URGCP: variants seen among roughly 807,000 people sequenced by gnomAD.
URGCP encodes the protein upregulator of cell proliferation, also known as up-regulator of cell proliferation.
In URGCP, 13 loss-of-function variants were observed where a neutral mutation model predicts 24.6. The ratio of observed to expected loss-of-function variants is 0.53; its 90% CI spans 0.34 to 0.84. The LOEUF (loss-of-function observed/expected upper bound fraction) is 0.84, where lower values mean the gene tolerates loss of function less well. Among genes scored for constraint, URGCP ranks in the 40% least tolerant of loss-of-function variants. The pLI is 0.01. For missense variants in URGCP, 899 were observed against 1,194.3 expected, an observed-to-expected ratio of 0.75 and a Z score of 3.64; for synonymous variants, 444 against 487.2, an observed-to-expected ratio of 0.91 and a Z score of 1.17.
At chr7:43,919,013 C>A in intron 1 of URGCP, 1 of 1,167,382 alleles carries the variant, frequency 8.6e-7, no homozygotes, top group Non-Finnish European at 1.3e-6. Context: ...ACTGGGCCAG[C>A]AGATTCTCCC....
rs569890330 is a variant in URGCP, at chr7:43,882,133, A to T, written c.113-176T>A. 1.6e-3 allele frequency: 1,687 copies of T among 1,086,830 alleles called. 5 individuals carry two copies. The highest frequency in any genetic ancestry group is 2.9e-3 in the Admixed American group (89 of 30,238). The allele number at this position is 1,086,830 out of a possible 1,614,324, so 67.3% of individuals were successfully genotyped here. On this transcript the variant is annotated intron_variant, in intron 3 of 5. Coordinates refer to ENST00000453200, the MANE Select transcript of URGCP (RefSeq NM_001077663.3). ...GGCAACAAAGCAAGACCCTGTGTCT[A>T]CAAAGACTTTTTTTAAAAAATTAGG...
intron 5 of URGCP, chr7:43,881,222 C>T: frequency 1.4e-6 from 1 of 702,816 alleles, no homozygotes; most frequent in Non-Finnish European, 2.6e-6. Flanking sequence ...ACACTTCTGC[C>T]CAGTGTGTGG....
At chr7:43,883,680 G>A (rs1378789372) in intron 3 of URGCP, among the ~76,000 whole-genome samples, 2 of 152,008 alleles carry the variant, frequency 1.3e-5, no homozygotes, top group Non-Finnish European at 2.9e-5. Context: ...ATATTTTTAA[G>A]AGCTTATGAA....
intron 1 of URGCP, among the ~76,000 whole-genome samples, chr7:43,891,882 A>G (rs1464823487): frequency 6.6e-6 from 1 of 151,918 alleles, no homozygotes; most frequent in South Asian, 2.1e-4. Context: ...CCCAGGTTCA[A>G]GCAATTCTCC....
chr7:43,906,361 C>A (rs2095902674), intron 1 of URGCP: 3 of 322,324 alleles, frequency 9.3e-6, no homozygotes, highest in South Asian at 1.3e-4. Flanking sequence ...CGCCCCCGCC[C>A]GCCCCCCACG....
At chr7:43,926,612 C>T, upstream of URGCP, 4 of 1,511,598 alleles carry the variant, frequency 2.6e-6, no homozygotes, top group Non-Finnish European at 2.7e-6. Context: ...GAGGTGTGGG[C>T]GGGGCGCCGC....
chr7:43,906,565 G>C lies in URGCP; in HGVS notation c.11C>G (p.Pro4Arg). 22 of 1,242,996 alleles carry C rather than the reference G, an allele frequency of 1.8e-5. No homozygotes were observed. Among genetic ancestry groups the C allele is most frequent in the Non-Finnish European group, 2.2e-5 (22 of 985,688 alleles). The allele number at this position is 1,242,996 out of a possible 1,614,324, so 77.0% of individuals were successfully genotyped here. A position where few individuals can be genotyped will look rare whatever the true frequency, so the allele number is the denominator to read the frequency against. The change falls in exon 1 of 6, where the codon CCC becomes CGC. Residue 4 changes from proline to arginine, a missense_variant. Pro to Arg is a moderately radical substitution (Grantham distance 103). Coordinates refer to ENST00000453200, the MANE Select transcript of URGCP (RefSeq NM_001077663.3). MASPGIEVELLGKG... is the reference protein window; with the variant it reads MASRGIEVELLGKG... ...GGGCCTGCGAGGCGGCACTCACCCG[G>C]GCGACGCCATGAGCGCAGCGAGGTC...
At chr7:43,911,269 C>T (rs1342480288), upstream of URGCP, among the ~76,000 whole-genome samples, 4 of 151,470 alleles carry the variant, frequency 2.6e-5, no homozygotes, top group African/African-American at 7.3e-5. Context: ...GGTGTGGTGG[C>T]GCACACCTAT....
chr7:43,908,554 A>C (rs1265772250), upstream of URGCP, among the ~76,000 whole-genome samples: 1 of 152,198 alleles, frequency 6.6e-6, no homozygotes, highest in African/African-American at 2.4e-5. Flanking sequence ...TTATCTGCTT[A>C]AAGTCCAGAC....
chr7:43,925,729 A>T (rs1340197900), intron 1 of URGCP, among the ~76,000 whole-genome samples: 2 of 149,130 alleles, frequency 1.3e-5, no homozygotes, highest in African/African-American at 2.5e-5. Context: ...CGAACTCCTG[A>T]CCTCAAGTGA....
At chr7:43,883,627 T>C (rs2024011) in intron 3 of URGCP, among the ~76,000 whole-genome samples, 110,280 of 151,726 alleles carry the variant, frequency 0.73, 40,293 homozygotes, top group African/African-American at 0.82. Flanking sequence ...TCACAGAGCG[T>C]TGGGATTACA....
chr7:43,886,596 A>G (rs1012533994), intron 3 of URGCP, among the ~76,000 whole-genome samples: 1 of 152,150 alleles, frequency 6.6e-6, no homozygotes, highest in African/African-American at 2.4e-5. Flanking sequence ...TACTAAAAAT[A>G]CAAAAAATTA....
At chr7:43,908,982 A>G (rs1238418843), upstream of URGCP, among the ~76,000 whole-genome samples, 2 of 152,188 alleles carry the variant, frequency 1.3e-5, no homozygotes, top group South Asian at 2.1e-4. Flanking sequence ...TGTTTAACCA[A>G]CCCCTACTGT....
upstream of URGCP, chr7:43,926,420 C>T (rs1451964022): frequency 1.0e-6 from 1 of 964,850 alleles, no homozygotes; most frequent in Non-Finnish European, 1.3e-6. Context: ...GTGCCCCGCG[C>T]GCGCAAGCGC....
At position 43,878,112 on chromosome 7, in the gene URGCP, T is replaced by C; in HGVS notation, c.1351A>G (p.Met451Val). The change falls in exon 6 of 6, where the codon ATG becomes GTG. Residue 451 changes from methionine to valine, a missense_variant. Met to Val is a conservative substitution (Grantham distance 21, BLOSUM62 1). Coordinates refer to ENST00000453200, the MANE Select transcript of URGCP (RefSeq NM_001077663.3). The surrounding 1 kb of genome is among the most constrained non-coding windows in gnomAD (Gnocchi z 5.6). ...APCRRVSVED[M>V]AHAARKLGLK... ...CCCAGTTTGCGGGCTGCGTGCGCCA[T>C]GTCCTCCACAGATACCCGCCTGCAG... 3 of 1,614,258 alleles carry C rather than the reference T, an allele frequency of 1.9e-6. No homozygotes were observed. Among genetic ancestry groups the C allele is most frequent in the Non-Finnish European group, 2.5e-6 (3 of 1,180,050 alleles).
intron 1 of URGCP, among the ~76,000 whole-genome samples, chr7:43,895,733 T>C (rs893010997): frequency 1.3e-5 from 2 of 152,234 alleles, no homozygotes; most frequent in African/African-American, 4.8e-5. Flanking sequence ...GAAATTCTTA[T>C]ACACTGTGGG....
At chr7:43,892,219 A>ATTTTTTT (rs34553486) in intron 1 of URGCP, among the ~76,000 whole-genome samples, 1 of 125,366 alleles carries the variant, frequency 8.0e-6, no homozygotes, top group African/African-American at 3.1e-5. Context: ...CGCCCAGCCA[A>ATTTTTTT]TTTTTTTTTT....
chr7:43,880,016 T>C (rs968581892), intron 5 of URGCP, among the ~76,000 whole-genome samples: 1 of 152,006 alleles, frequency 6.6e-6, no homozygotes, highest in African/African-American at 2.4e-5. Flanking sequence ...CTCAACCTCC[T>C]GGGCTCAAGA....
In URGCP at chr7:43,878,094, T is replaced by C; in HGVS notation, c.1369A>G (p.Lys457Glu). 1 of 1,614,248 alleles carries C rather than the reference T, an allele frequency of 6.2e-7. No individual in the cohort carries two copies. Among genetic ancestry groups the C allele is most frequent in the Non-Finnish European group, 8.5e-7 (1 of 1,180,040 alleles). The stretch of plus-strand genomic sequence containing the variant: ...TCCTCGTCGACCTTTAGGCCCAGTT[T>C]GCGGGCTGCGTGCGCCATGTCCTCC... Reference protein sequence around the residue: ...SVEDMAHAARKLGLKVDEDCE... With the variant: ...SVEDMAHAARELGLKVDEDCE... Residue 457 changes from lysine to glutamate, a missense_variant, in exon 6 of 6, where the codon AAA (lysine) becomes GAA (glutamate). Lys to Glu is a moderately conservative substitution (Grantham distance 56, BLOSUM62 1). Coordinates refer to ENST00000453200, the MANE Select transcript of URGCP (RefSeq NM_001077663.3). The surrounding 1 kb of genome is among the most constrained non-coding windows in gnomAD (Gnocchi z 5.6).
Sources: allele counts gnomAD v4.1 joint callset (sites outside exome capture counted in the v4.1 genomes callset), GRCh38; gene constraint gnomAD v4.1.1; non-coding constraint Gnocchi (gnomAD v3.1); transcripts MANE v1.5; gene names NCBI Gene and HGNC (gene_info 2026-07-23, HGNC 2026-07-21).